The following CYTH1 variants were observed in gnomAD, a reference collection of about 807,000 sequenced individuals.
CYTH1 encodes cytohesin-1.
Under a neutral mutation model 61.8 loss-of-function variants are expected in CYTH1, and 18 were observed. The ratio of observed to expected loss-of-function variants is 0.29; its 90% CI spans 0.20 to 0.43. The LOEUF (loss-of-function observed/expected upper bound fraction) is 0.43, where lower values mean the gene tolerates loss of function less well. CYTH1 is among the 20% of genes least tolerant of loss of function. The probability of loss-of-function intolerance (pLI) is 1.00; values close to 1 mark genes in which losing one functional copy is unlikely to be tolerated. For missense variants in CYTH1, 336 were observed against 510.5 expected (o/e 0.66, Z 3.29); for synonymous variants, 174 against 184.3 (o/e 0.94, Z 0.45).
At chr17:78,680,845 T>TA (rs2092753607) in intron 12 of CYTH1, 126 bp downstream of exon 12, 1 of 940,772 alleles carries the variant, frequency 1.1e-6, no homozygotes, top group Admixed American at 2.1e-5. Flanking sequence ...AACAATATAA[T>TA]AAAAAATTAG....
intron 1 of CYTH1, among the ~76,000 whole-genome samples, chr17:78,740,492 C>CCA (rs1425739753): frequency 2.0e-5 from 3 of 152,196 alleles, no homozygotes; most frequent in African/African-American, 7.2e-5. Context: ...GCACAGCAGG[C>CCA]CACCTCATAG....
rs2093195919 is a variant in CYTH1, at chr17:78,717,960, C to T, written c.23-8228G>A. ...ACCAGCATCCTTCTTACAGCCTCTG[C>T]CTTTCAATGGATAAAAAGGTCCATA... On this transcript the variant is annotated intron_variant, in intron 1 of 13. Transcript: ENST00000446868. This position sits in a 1 kb window ranked among gnomAD's most constrained non-coding sequence, Gnocchi z 4.4. Among the ~76,000 whole-genome samples the T allele has an allele frequency of 6.6e-6, 1 of 152,098 alleles. No homozygotes were observed. Among genetic ancestry groups the T allele is most frequent in the African/African-American group, 2.4e-5 (1 of 41,396 alleles).
At position 78,760,508 on chromosome 17, in the gene CYTH1, TATATATATGTATATATATATATACATAC is replaced by T. The variant is rs1567879613; in HGVS notation, c.22+21666_22+21693del. On this transcript the variant is annotated intron_variant, in intron 1 of 13. Coordinates refer to ENST00000446868, the MANE Select transcript of CYTH1 (RefSeq NM_004762.6). ...ATGTATATATATATACATATATATG[TATATATATGTATATATATATATACATAC>T]ATATATATGTATATATATATGTATA... 1.1e-4 allele frequency among the ~76,000 whole-genome samples: 5 copies of T among 46,906 alleles called. 1 individual carries two copies. The highest frequency in any genetic ancestry group is 1.2e-4 in the Non-Finnish European group (3 of 26,080). 30.8% of individuals were successfully genotyped at this position (46,906 alleles called of 152,430 possible).
intron 1 of CYTH1, among the ~76,000 whole-genome samples, chr17:78,734,517 C>T (rs933972719): frequency 1.2e-4 from 16 of 135,990 alleles, no homozygotes; most frequent in Admixed American, 5.7e-4. Flanking sequence ...TTCGGCTCAA[C>T]GCAACCTCAG....
chr17:78,732,033 G>T (rs74001218), intron 1 of CYTH1, among the ~76,000 whole-genome samples: 1 of 152,160 alleles, frequency 6.6e-6, no homozygotes, highest in Non-Finnish European at 1.5e-5. Flanking sequence ...ACAGGGAGGG[G>T]TGGATGAAAA....
chr17:78,761,958 T>C (rs145370432), intron 1 of CYTH1, among the ~76,000 whole-genome samples: 16 of 152,294 alleles, frequency 1.1e-4, no homozygotes, highest in African/African-American at 3.9e-4. Flanking sequence ...AACATAAACG[T>C]TTGAAAGAGT....
rs768511206 is a variant in CYTH1 at position 78,775,232 on chromosome 17, T to TG, written c.22+6969dup. Among the ~76,000 whole-genome samples, 24 of 152,168 alleles carry TG rather than the reference T, an allele frequency of 1.6e-4. 4 individuals carry two copies. Among genetic ancestry groups the TG allele is most frequent in the East Asian group, 3.9e-4 (2 of 5,174 alleles). On this transcript the variant is annotated intron_variant, in intron 1 of 13. Transcript: ENST00000446868. ...ACAGTCTCCTGTGGCCCATGAAGAT[T>TG]GGGGGGGCCGCTGGGGGTTAGGGGA...
At chr17:78,696,988 A>G (rs147879080) in intron 9 of CYTH1, among the ~76,000 whole-genome samples, 213 of 152,334 alleles carry the variant, frequency 1.4e-3, no homozygotes, top group African/African-American at 5.0e-3. Flanking sequence ...TTAAAGATAT[A>G]TAAAATGATG....
At chr17:78,765,016 G>A (rs987628788) in intron 1 of CYTH1, among the ~76,000 whole-genome samples, 4 of 152,204 alleles carry the variant, frequency 2.6e-5, no homozygotes, top group South Asian at 2.1e-4. Context: ...AAGTCTTGTC[G>A]AGAGAGTGCG....
chr17:78,771,862 A>G (rs758636333), intron 1 of CYTH1, among the ~76,000 whole-genome samples: 5 of 152,182 alleles, frequency 3.3e-5, no homozygotes, highest in Non-Finnish European at 7.3e-5. Context: ...CACTACCATA[A>G]AAGCAGAAAT....
intron 1 of CYTH1, among the ~76,000 whole-genome samples, chr17:78,756,829 A>C (rs2093403128): frequency 1.3e-5 from 2 of 151,946 alleles, no homozygotes; most frequent in South Asian, 4.1e-4. Flanking sequence ...CTCATTTAAA[A>C]AAAAAAAAGC....
At chr17:78,686,880 C>T (rs999553606) in intron 11 of CYTH1, among the ~76,000 whole-genome samples, 1 of 152,144 alleles carries the variant, frequency 6.6e-6, no homozygotes, top group African/African-American at 2.4e-5. Context: ...CTCCTGGGTT[C>T]AAGCGATTCT....
In CYTH1 at chr17:78,701,892, G is replaced by T. The variant is rs562336882; in HGVS notation, c.357-141C>A. The T allele has an allele frequency of 4.7e-6, 4 of 855,558 alleles. No homozygotes were observed. In the African/African-American group the frequency reaches 5.0e-5, roughly 11 times the overall value. The allele number at this position is 855,558 out of a possible 1,614,324, so 53.0% of individuals were successfully genotyped here. A position where few individuals can be genotyped will look rare whatever the true frequency, so the allele number is the denominator to read the frequency against. On this transcript the variant is annotated intron_variant, in intron 5 of 13. Transcript: ENST00000446868. The stretch of plus-strand genomic sequence containing the variant: ...AGACAGCCACTTGTGCACACTGTCC[G>T]CAAGAAGACTGGCTAGCTCTGCTGA...
chr17:78,680,273 C>T lies in CYTH1; in HGVS notation c.1035G>A (p.Gly345=), dbSNP rs778324645. The change falls in exon 13 of 14, where the codon GGG becomes GGA. Residue 345 remains glycine, a synonymous_variant. Transcript: ENST00000446868. ...VIKACKTEAD[G]RVVEGNHTVY... The stretch of plus-strand genomic sequence containing the variant: ...CAGTGTGGTTCCCCTCCACCACCCG[C>T]CCGTCAGCCTCGGTCTTGCAGGCCT... The T allele has an allele frequency of 1.2e-6, 2 of 1,614,202 alleles. No homozygotes were observed. The highest frequency in any genetic ancestry group is 1.1e-5 in the South Asian group (1 of 91,088).
At chr17:78,712,076 AGAAAGAAG>A (rs372326443) in intron 1 of CYTH1, among the ~76,000 whole-genome samples, 2,701 of 143,508 alleles carry the variant, frequency 0.019, 78 homozygotes, top group South Asian at 0.14. Flanking sequence ...CAGACAAGAA[AGAAAGAAG>A]GAAAGAAGGA....
intron 1 of CYTH1, among the ~76,000 whole-genome samples, chr17:78,741,090 T>C (rs762647910): frequency 2.0e-5 from 3 of 152,240 alleles, no homozygotes; most frequent in Non-Finnish European, 4.4e-5. Flanking sequence ...TCATTCACAT[T>C]AAAAAGCACA....
chr17:78,716,392 T>C (rs111621009), intron 1 of CYTH1, among the ~76,000 whole-genome samples: 21 of 152,308 alleles, frequency 1.4e-4, no homozygotes, highest in African/African-American at 4.3e-4. Context: ...CTAGAAAAGA[T>C]AGCCCTTCTG....
At chr17:78,677,100 C>A (rs146998956) in intron 13 of CYTH1, 7 of 455,800 alleles carry the variant, frequency 1.5e-5, no homozygotes, top group Middle Eastern at 3.3e-4. Flanking sequence ...CGCAGCTCCC[C>A]GGGGAATGCT....
chr17:78,734,432 C>G (rs1219040596), intron 1 of CYTH1, among the ~76,000 whole-genome samples: 6 of 62,716 alleles, frequency 9.6e-5, no homozygotes, highest in Middle Eastern at 0.013. Context: ...TAAAAAAAAG[C>G]TTTTTTTTTT....
Sources: allele counts gnomAD v4.1 joint callset (sites outside exome capture counted in the v4.1 genomes callset), GRCh38; gene constraint gnomAD v4.1.1; non-coding constraint Gnocchi (gnomAD v3.1); transcripts MANE v1.5; gene names NCBI Gene and HGNC (gene_info 2026-07-23, HGNC 2026-07-21).